Variants in ZNF536 observed in about 807,000 individuals in gnomAD.
The protein encoded by ZNF536 is zinc finger protein 536.
A neutral mutation model predicts 84.5 loss-of-function variants in ZNF536; 13 were observed. That is an observed-to-expected ratio of 0.15 (90% CI 0.10 to 0.24). The LOEUF is 0.24. Ranked by LOEUF, ZNF536 falls within the 10% of genes least tolerant of loss-of-function variation. The probability of loss-of-function intolerance (pLI) is 1.00; values close to 1 mark genes in which losing one functional copy is unlikely to be tolerated. For synonymous variants in ZNF536, 811 were observed against 742.5 expected (o/e 1.09, Z -1.50); for missense variants, 1,536 against 1,747.5 (o/e 0.88, Z 2.16).
intron 1 of ZNF536, among the ~76,000 whole-genome samples, chr19:30,638,562 A>G (rs7359965): frequency 0.94 from 143,212 of 152,156 alleles, 67,751 homozygotes; most frequent in Non-Finnish European, 0.99. Context: ...GAACATTACC[A>G]AGGCAGGTAG....
At chr19:30,347,435 G>A (rs1015956729) in intron 2 of ZNF536, among the ~76,000 whole-genome samples, 7 of 152,212 alleles carry the variant, frequency 4.6e-5, no homozygotes, top group African/African-American at 1.7e-4. Flanking sequence ...GGGGCCCAGA[G>A]CCTGCAAGAC....
Position 30,549,414 on chromosome 19 carries a change from G to T in ZNF536, c.3795G>T (p.Leu1265=), listed in dbSNP as rs1013587961. 3 of 1,589,420 alleles carry T rather than the reference G, an allele frequency of 1.9e-6. No homozygotes were observed. The African/African-American group carries it at 4.0e-5, about 21-fold the overall frequency. Residue 1265 remains leucine, a synonymous_variant, in exon 4 of 5, where the codon CTG becomes CTT. Transcript: ENST00000355537. The stretch of plus-strand genomic sequence containing the variant: ...GCCTGGACAAGCCGATGAACATGCT[G>T]TCGGTCCTCAGGGCCTACAGTTCTG... ...PQSLDKPMNM[L]SVLRAYSSDG...
At chr19:30,667,625 C>CTTTTTTTTTTTTTTTT (rs57656065) in intron 1 of ZNF536, among the ~76,000 whole-genome samples, 4 of 124,022 alleles carry the variant, frequency 3.2e-5, no homozygotes, top group African/African-American at 9.6e-5. Context: ...TTTTTTCTAG[C>CTTTTTTTTTTTTTTTT]TTTTTTTTTT....
chr19:30,299,141 G>A (rs1441039678), intron 2 of ZNF536, among the ~76,000 whole-genome samples: 3 of 152,150 alleles, frequency 2.0e-5, no homozygotes, highest in African/African-American at 7.2e-5. Context: ...AATCACCTTG[G>A]ATGCTCCCTT....
chr19:30,338,156 G>T (rs1568342112), intron 2 of ZNF536, among the ~76,000 whole-genome samples: 2 of 151,098 alleles, frequency 1.3e-5, no homozygotes, highest in East Asian at 3.9e-4. Context: ...TGTGATGATT[G>T]TGATGATGAT....
intron 3 of ZNF536, among the ~76,000 whole-genome samples, chr19:30,364,991 A>G (rs1198242266): frequency 2.6e-5 from 4 of 152,250 alleles, no homozygotes; most frequent in African/African-American, 9.6e-5. Context: ...CCTTGATCAC[A>G]GTGTGAAAAG....
At chr19:30,329,890 G>C (rs2146371077) in intron 2 of ZNF536, among the ~76,000 whole-genome samples, 1 of 152,238 alleles carries the variant, frequency 6.6e-6, no homozygotes, top group South Asian at 2.1e-4. Flanking sequence ...GAATTGATTT[G>C]GGAATTATTG....
chr19:30,431,236 C>T (rs1172462920), intron 1 of ZNF536, among the ~76,000 whole-genome samples: 1 of 152,140 alleles, frequency 6.6e-6, no homozygotes, highest in Non-Finnish European at 1.5e-5. Flanking sequence ...CTTCCCTCCT[C>T]TCCCAGGAGG....
intron 1 of ZNF536, among the ~76,000 whole-genome samples, chr19:30,259,691 G>C (rs2025096972): frequency 6.6e-6 from 1 of 152,168 alleles, no homozygotes; most frequent in Non-Finnish European, 1.5e-5. Context: ...CAAGCCTGTA[G>C]ACCCAGTCAG....
chr19:30,617,333 C>CTTTTTTTTTTTTTTTTT lies in ZNF536; in HGVS notation c.169+67836_169+67852dup, dbSNP rs556835599. On this transcript the variant is annotated intron_variant, in intron 1 of 1. Coordinates refer to the ZNF536 transcript ENST00000592773. ...GAGTCCACCATATCTGAATAGCTTA[C>CTTTTTTTTTTTTTTTTT]TTTTTTTTTTTTTTTTTTTTTTTTT... Among the ~76,000 whole-genome samples, 70 of 37,708 alleles carry CTTTTTTTTTTTTTTTTT rather than the reference C, an allele frequency of 1.9e-3. 26 individuals are homozygous for CTTTTTTTTTTTTTTTTT. The highest frequency in any genetic ancestry group is 0.011 in the South Asian group (5 of 456). 24.7% of individuals were successfully genotyped at this position (37,708 alleles called of 152,430 possible).
chr19:30,676,895 G>T (rs577021404), intron 1 of ZNF536, among the ~76,000 whole-genome samples: 3 of 152,236 alleles, frequency 2.0e-5, no homozygotes, highest in African/African-American at 7.2e-5. Context: ...TTATGGAAAT[G>T]GAGTCTTGCT....
intron 1 of ZNF536, among the ~76,000 whole-genome samples, chr19:30,618,091 C>T (rs144950527): frequency 4.9e-4 from 75 of 152,288 alleles, no homozygotes; most frequent in African/African-American, 1.8e-3. Context: ...GAGTTAAAGT[C>T]TCACTATTTT....
intron 1 of ZNF536, among the ~76,000 whole-genome samples, chr19:30,660,385 C>A (rs539437954): frequency 6.6e-6 from 1 of 152,166 alleles, no homozygotes; most frequent in African/African-American, 2.4e-5. Context: ...GCTGTTGACA[C>A]CCCTGGTTCT....
At chr19:30,706,471 G>A (rs1021618997) in intron 1 of ZNF536, among the ~76,000 whole-genome samples, 2 of 149,972 alleles carry the variant, frequency 1.3e-5, no homozygotes, top group African/African-American at 4.9e-5. Context: ...TGTGCAATGA[G>A]TGAAACTCTG....
At position 30,445,404 on chromosome 19, in the gene ZNF536, G is replaced by C. The variant is rs375381239; in HGVS notation, c.1842G>C (p.Gln614His). 6.2e-7 allele frequency: 1 copy of C among 1,614,182 alleles called. No individual in the cohort carries two copies. Among genetic ancestry groups the C allele is most frequent in the Non-Finnish European group, 8.5e-7 (1 of 1,180,034 alleles). ...SRDFLSHGLN[Q>H]TLEYNLQGPG... The stretch of plus-strand genomic sequence containing the variant: ...ATTTTTTGTCACACGGGCTGAACCA[G>C]ACTCTCGAGTATAACCTGCAGGGTC... Residue 614 changes from glutamine to histidine, a missense_variant, in exon 2 of 5, where the codon CAG becomes CAC. Transcript: ENST00000355537. This position sits in a 1 kb window ranked among gnomAD's most constrained non-coding sequence, Gnocchi z 4.5.
intron 2 of ZNF536, among the ~76,000 whole-genome samples, chr19:30,522,522 G>A (rs1163439439): frequency 2.0e-5 from 3 of 151,446 alleles, no homozygotes; most frequent in African/African-American, 7.3e-5. Context: ...AATAAAAAAT[G>A]CATATTTACC....
chr19:30,696,234 T>C (rs554578539), intron 1 of ZNF536, among the ~76,000 whole-genome samples: 1 of 152,258 alleles, frequency 6.6e-6, no homozygotes, highest in South Asian at 2.1e-4. Context: ...CCCCGCAATG[T>C]TGGAGAGAGA....
At chr19:30,473,037 CA>C (rs57627848) in intron 2 of ZNF536, among the ~76,000 whole-genome samples, 12,975 of 107,258 alleles carry the variant, frequency 0.12, 1,047 homozygotes, top group African/African-American at 0.26. Context: ...ACTAAGAATA[CA>C]AAAAAAAAAA....
chr19:30,359,519 T>C (rs943834154), intron 3 of ZNF536, among the ~76,000 whole-genome samples: 1 of 152,048 alleles, frequency 6.6e-6, no homozygotes, highest in South Asian at 2.1e-4. Flanking sequence ...AATGCAGAAG[T>C]CCCTATCTTC....
Sources: allele counts gnomAD v4.1 joint callset (sites outside exome capture counted in the v4.1 genomes callset), GRCh38; gene constraint gnomAD v4.1.1; non-coding constraint Gnocchi (gnomAD v3.1); transcripts MANE v1.5; gene names NCBI Gene and HGNC (gene_info 2026-07-23, HGNC 2026-07-21).